Variants in PCBP3 observed in about 807,000 individuals in gnomAD.
The protein encoded by PCBP3 is poly(rC)-binding protein 3.
In PCBP3, 25 loss-of-function variants were observed where a neutral mutation model predicts 52.7. The observed-to-expected ratio is 0.47, with a 90% CI of 0.35 to 0.66. The LOEUF is 0.66. Ranked by LOEUF, PCBP3 falls within the 30% of genes least tolerant of loss-of-function variation. The pLI, the probability that PCBP3 is intolerant of heterozygous loss-of-function variation, is 0.01. For missense variants in PCBP3, 391 were observed against 490.3 expected (o/e 0.80, Z 1.91); for synonymous variants, 162 against 183.0 (o/e 0.89, Z 0.93).
At chr21:45,878,852 C>T (rs1407118228) in intron 5 of PCBP3, among the ~76,000 whole-genome samples, 1 of 152,208 alleles carries the variant, frequency 6.6e-6, no homozygotes, top group Non-Finnish European at 1.5e-5. Flanking sequence ...CACACACCAA[C>T]CTGGGATCCT....
chr21:45,825,118 T>A (rs2093272122), intron 4 of PCBP3, among the ~76,000 whole-genome samples: 1 of 152,136 alleles, frequency 6.6e-6, no homozygotes, highest in Non-Finnish European at 1.5e-5. Flanking sequence ...GGCTCTGAGC[T>A]TGTGCCACAC....
intron 4 of PCBP3, among the ~76,000 whole-genome samples, chr21:45,843,263 A>G (rs2093735916): frequency 6.7e-6 from 1 of 149,408 alleles, no homozygotes; most frequent in South Asian, 2.1e-4. Flanking sequence ...ACCAGAAGGC[A>G]TGGCTTCCTT....
At position 45,917,443 on chromosome 21, in the gene PCBP3, C is replaced by T; in HGVS notation, c.676-145C>T. ...TCCTGGTGCCCTGGGAGGGTTGGCC[C>T]TTTGTCCTAGGATGGGGACAGGTGG... On this transcript the variant is annotated intron_variant, in intron 12 of 17. Transcript: ENST00000681687. This position sits in a 1 kb window ranked among gnomAD's most constrained non-coding sequence, Gnocchi z 5.3. The T allele has an allele frequency of 4.5e-6, 3 of 665,410 alleles. No homozygotes were observed. 41.2% of individuals were successfully genotyped at this position (665,410 alleles called of 1,614,324 possible).
chr21:45,737,838 C>T lies in PCBP3; in HGVS notation c.-162+2409C>T, dbSNP rs753534178. On this transcript the variant is annotated intron_variant, in intron 3 of 17. Coordinates refer to ENST00000681687, the MANE Select transcript of PCBP3 (RefSeq NM_001384156.1). The surrounding 1 kb of genome is among the most constrained non-coding windows in gnomAD (Gnocchi z 4.9). ...GTGTCGAGTGAGTCCTGCAGCTTCT[C>T]GCTGTGAGATTCTGGGGTGCCATGA... Among the ~76,000 whole-genome samples the T allele has an allele frequency of 6.6e-6, 1 of 152,224 alleles. No homozygotes were observed. The highest frequency in any genetic ancestry group is 1.5e-5 in the Non-Finnish European group (1 of 68,050).
chr21:45,934,704 T>G (rs1015693519), intron 15 of PCBP3, among the ~76,000 whole-genome samples: 4 of 152,202 alleles, frequency 2.6e-5, no homozygotes, highest in African/African-American at 9.6e-5. Flanking sequence ...GAGGCAACTT[T>G]GCATGCTCTG....
intron 2 of PCBP3, among the ~76,000 whole-genome samples, chr21:45,713,891 G>T (rs1479805509): frequency 6.6e-6 from 1 of 152,184 alleles, no homozygotes; most frequent in East Asian, 1.9e-4. Flanking sequence ...ATATTTTATT[G>T]TTGTCTTATG....
chr21:45,684,645 T>C (rs916744916), intron 2 of PCBP3, among the ~76,000 whole-genome samples: 7 of 152,176 alleles, frequency 4.6e-5, no homozygotes, highest in African/African-American at 1.7e-4. Context: ...TCTTTCACCT[T>C]CCACCATGAG....
chr21:45,839,092 A>T (rs1229628410), intron 4 of PCBP3, among the ~76,000 whole-genome samples: 1 of 151,964 alleles, frequency 6.6e-6, no homozygotes. Context: ...CTCCATGTTC[A>T]TATTTCTTTT....
intron 2 of PCBP3, among the ~76,000 whole-genome samples, chr21:45,713,395 C>T (rs1418324661): frequency 6.6e-6 from 1 of 152,212 alleles, no homozygotes; most frequent in Non-Finnish European, 1.5e-5. Flanking sequence ...TGCTTTCCAC[C>T]TGCTAGGACT....
At chr21:45,773,751 AT>A (rs948196689) in intron 4 of PCBP3, among the ~76,000 whole-genome samples, 3 of 151,014 alleles carry the variant, frequency 2.0e-5, no homozygotes, top group Non-Finnish European at 4.4e-5. Context: ...GGATTTTAGA[AT>A]TTTTTTTTCT....
At chr21:45,921,744 G>A (rs562525305) in intron 13 of PCBP3, among the ~76,000 whole-genome samples, 68 of 152,280 alleles carry the variant, frequency 4.5e-4, no homozygotes, top group African/African-American at 1.4e-3. Context: ...GCCTGAGCCC[G>A]GGAGGTGGAG....
intron 1 of PCBP3, among the ~76,000 whole-genome samples, chr21:45,645,445 G>C (rs185230064): frequency 6.6e-6 from 1 of 152,278 alleles, no homozygotes; most frequent in African/African-American, 2.4e-5. Context: ...CGTTGCCCCA[G>C]GTGCTGCTGA....
intron 4 of PCBP3, among the ~76,000 whole-genome samples, chr21:45,842,818 A>C (rs1041495541): frequency 3.3e-5 from 5 of 152,178 alleles, no homozygotes; most frequent in Non-Finnish European, 7.3e-5. Flanking sequence ...GTGGAAGCCG[A>C]GGCTCTCAGC....
intron 1 of PCBP3, among the ~76,000 whole-genome samples, chr21:45,657,457 A>G (rs915961598): frequency 6.6e-6 from 1 of 152,220 alleles, no homozygotes; most frequent in Non-Finnish European, 1.5e-5. Flanking sequence ...TCAGTTGACC[A>G]TAAAATATGG....
chr21:45,808,068 A>G (rs1196942806), intron 4 of PCBP3, among the ~76,000 whole-genome samples: 5 of 152,388 alleles, frequency 3.3e-5, no homozygotes, highest in Middle Eastern at 3.4e-3. Flanking sequence ...AAAGACTTAC[A>G]TATAAGACCT....
At chr21:45,646,100 T>TCTCG (rs1569070182) in intron 1 of PCBP3, among the ~76,000 whole-genome samples, 4 of 99,578 alleles carry the variant, frequency 4.0e-5, no homozygotes, top group African/African-American at 1.4e-4. Flanking sequence ...TCTCTCTCTC[T>TCTCG]CTCTCTCTGT....
intron 13 of PCBP3, among the ~76,000 whole-genome samples, chr21:45,925,465 T>A (rs888014941): frequency 2.0e-5 from 3 of 152,248 alleles, no homozygotes; most frequent in African/African-American, 7.2e-5. Context: ...AATATGTGGA[T>A]GATTGTGATC....
At chr21:45,845,744 C>T (rs905001338) in intron 4 of PCBP3, among the ~76,000 whole-genome samples, 11 of 152,240 alleles carry the variant, frequency 7.2e-5, no homozygotes, top group Admixed American at 7.2e-4. Context: ...CATGTGTATG[C>T]ATGTGTGTAG....
chr21:45,664,770 C>T (rs1603199224), intron 1 of PCBP3, among the ~76,000 whole-genome samples: 1 of 128,618 alleles, frequency 7.8e-6, no homozygotes, highest in Non-Finnish European at 1.7e-5. Context: ...TCCCCCCTCC[C>T]CCCCACCCCA....
Sources: allele counts gnomAD v4.1 joint callset (sites outside exome capture counted in the v4.1 genomes callset), GRCh38; gene constraint gnomAD v4.1.1; non-coding constraint Gnocchi (gnomAD v3.1); transcripts MANE v1.5; gene names NCBI Gene and HGNC (gene_info 2026-07-23, HGNC 2026-07-21).